Variants in PPP2R3B observed in about 807,000 individuals in gnomAD.
PPP2R3B encodes the protein serine/threonine-protein phosphatase 2A regulatory subunit B'' subunit beta.
Under a neutral mutation model 72.9 loss-of-function variants are expected in PPP2R3B, and 68 were observed. The observed-to-expected ratio is 0.93, with a 90% CI of 0.77 to 1.14. PPP2R3B has a LOEUF of 1.14. Among genes scored for constraint, PPP2R3B ranks in the 50% most tolerant of loss-of-function variants. The probability of loss-of-function intolerance (pLI) is 0.00; values close to 1 mark genes in which losing one functional copy is unlikely to be tolerated. For missense variants in PPP2R3B, 1,018 were observed against 842.0 expected (o/e 1.21, Z -2.59); for synonymous variants, 466 against 375.8 (o/e 1.24, Z -2.78).
Position 339,256 on chromosome X carries a change from G to A in PPP2R3B, c.1352-360C>T, listed in dbSNP as rs1482792662. On this transcript the variant is annotated intron_variant, in intron 10 of 12. Transcript: ENST00000390665. ...GGTGTCCCGGGGACACTGAGCAGCA[G>A]GAGGCGCCCCATGGCCGGGGGGGGC... Among the ~76,000 whole-genome samples the A allele has an allele frequency of 2.7e-5, 3 of 111,478 alleles. 1 individual carries two copies. Among genetic ancestry groups the A allele is most frequent in the Admixed American group, 2.6e-4 (3 of 11,464 alleles). 73.1% of individuals were successfully genotyped at this position (111,478 alleles called of 152,430 possible).
At chrX:347,163 ATGAGGCATGCGGTGTAGACGCGGGCCCT>A (rs2071237496) in intron 4 of PPP2R3B, 43 bp downstream of exon 4, 1 of 80,784 alleles carries the variant, frequency 1.2e-5, no homozygotes, top group Non-Finnish European at 2.1e-5. Context: ...CGGCCCTCCC[ATGAGGCATGCGGTGTAGACGCGGGCCCT>A]CCCGTGAAGG....
In PPP2R3B at chrX:361,609, G is replaced by A. The variant is rs770824629; in HGVS notation, c.325-19C>T. 8 of 1,612,780 alleles carry A rather than the reference G, an allele frequency of 5.0e-6. No individual in the cohort carries two copies. Among genetic ancestry groups the A allele is most frequent in the Non-Finnish European group, 6.8e-6 (8 of 1,179,014 alleles). On this transcript the variant is annotated intron_variant, in intron 1 of 12. Transcript: ENST00000390665. ...TCTGAACCTGAAGAGTCGACAGACA[G>A]CGCTCAGTTAGAACCTGGGAGCATC...
intron 1 of PPP2R3B, among the ~76,000 whole-genome samples, chrX:374,372 C>A (rs140025502): frequency 6.6e-6 from 1 of 152,226 alleles, no homozygotes; most frequent in South Asian, 2.1e-4. Flanking sequence ...GGCATCAAAG[C>A]GCGCCGGCAT....
chrX:338,318 G>C (rs1336238158), intron 12 of PPP2R3B: 3 of 569,932 alleles, frequency 5.3e-6, no homozygotes, highest in African/African-American at 3.8e-5. Flanking sequence ...ACACGACTCG[G>C]CCTCCCCGTG....
intron 2 of PPP2R3B, among the ~76,000 whole-genome samples, chrX:359,114 G>A (rs1220402413): frequency 6.6e-6 from 1 of 152,240 alleles, no homozygotes; most frequent in Non-Finnish European, 1.5e-5. Flanking sequence ...TGCAAAAGAG[G>A]TGTCTGACCC....
chrX:379,217 ATGCACCTGTGTGTATGCACCTATG>A (rs2072068378), intron 1 of PPP2R3B, among the ~76,000 whole-genome samples: 1 of 140,788 alleles, frequency 7.1e-6, no homozygotes, highest in East Asian at 2.1e-4. Context: ...GCACCTGTGT[ATGCACCTGTGTGTATGCACCTATG>A]TGTGTGTGTG....
chrX:369,455 A>C (rs961455752), intron 1 of PPP2R3B, among the ~76,000 whole-genome samples: 39 of 152,362 alleles, frequency 2.6e-4, no homozygotes, highest in Non-Finnish European at 5.0e-4. Context: ...CAGAAGTCAC[A>C]GATACATGTG....
intron 1 of PPP2R3B, among the ~76,000 whole-genome samples, chrX:379,942 GATGGAA>G (rs1383069975): frequency 6.6e-5 from 10 of 152,268 alleles, no homozygotes; most frequent in Non-Finnish European, 1.3e-4. Flanking sequence ...ACAGCAATGG[GATGGAA>G]ATAATAATAA....
At chrX:383,999 AGACT>A in intron 1 of PPP2R3B, among the ~76,000 whole-genome samples, 1 of 152,134 alleles carries the variant, frequency 6.6e-6, no homozygotes, top group East Asian at 1.9e-4. Flanking sequence ...CAACATCGTA[AGACT>A]GACAGAACAG....
At position 338,810 on chromosome X, in the gene PPP2R3B, G is replaced by C; in HGVS notation, c.1438C>G (p.His480Asp). The C allele has an allele frequency of 1.2e-6, 2 of 1,612,474 alleles. No homozygotes were observed. Among genetic ancestry groups the C allele is most frequent in the Non-Finnish European group, 1.7e-6 (2 of 1,179,700 alleles). The change falls in exon 11 of 13, where the codon CAC (histidine) becomes GAC (aspartate). Residue 480 changes from histidine (H) to aspartate (D), a missense_variant. Transcript: ENST00000390665. ...TFFNIEKYLD[H>D]EQKEQISLLR... ...AGGGAGATCTGCTCTTTCTGCTCGTGGTCGAGGTACTTCTCGATGTTGAAG... is the reference window on the plus strand; with the variant it reads ...AGGGAGATCTGCTCTTTCTGCTCGTCGTCGAGGTACTTCTCGATGTTGAAG...
intron 2 of PPP2R3B, chrX:347,910 C>A: frequency 1.8e-6 from 1 of 543,578 alleles, no homozygotes; most frequent in Non-Finnish European, 3.2e-6. Flanking sequence ...GCCGGGCACG[C>A]AGTATCCCCT....
At chrX:354,544 A>G (rs1439546919) in intron 2 of PPP2R3B, among the ~76,000 whole-genome samples, 1 of 152,218 alleles carries the variant, frequency 6.6e-6, no homozygotes, top group Non-Finnish European at 1.5e-5. Flanking sequence ...AGGCACTTTT[A>G]TAATTTTAAA....
chrX:367,911 T>C (rs2071757577), intron 1 of PPP2R3B, among the ~76,000 whole-genome samples: 1 of 152,140 alleles, frequency 6.6e-6, no homozygotes, highest in Non-Finnish European at 1.5e-5. Context: ...TGTATTAACA[T>C]CCATGAAGTG....
intron 2 of PPP2R3B, among the ~76,000 whole-genome samples, chrX:357,500 C>T (rs774271373): frequency 1.3e-5 from 2 of 152,174 alleles, no homozygotes; most frequent in South Asian, 2.1e-4. Flanking sequence ...AAGAGATATA[C>T]GTTAGTGTGT....
In PPP2R3B at chrX:374,706, C is replaced by T. The variant is rs760660167; in HGVS notation, c.324+11662G>A. Among the ~76,000 whole-genome samples, 13 of 152,284 alleles carry T rather than the reference C, an allele frequency of 8.5e-5. No individual in the cohort carries two copies. In the South Asian group the frequency reaches 2.1e-3, roughly 24 times the overall value. ...CGGGTCCCCGATCAGGAAGGTCCTG[C>T]GTGACCGCCTGCATCTGTTACAGTC... On this transcript the variant is annotated intron_variant, in intron 1 of 12. Coordinates refer to ENST00000390665, the MANE Select transcript of PPP2R3B (RefSeq NM_013239.5).
rs1483178118 is a variant in PPP2R3B, at chrX:340,841, G to A, written c.1275C>T (p.Asp425=). 2 of 1,611,834 alleles carry A rather than the reference G, an allele frequency of 1.2e-6. No individual in the cohort carries two copies. Among genetic ancestry groups the A allele is most frequent in the East Asian group, 2.2e-5 (1 of 44,838 alleles). ...YFYEEQCRRL[D]SMAIEALPFQ... ...AGGGCAGGGCCTCGATGGCCATGCT[G>A]TCCAGCCTTCGGCACTGCTCCTCGT... The change falls in exon 10 of 13, where the codon GAC becomes GAT. Residue 425 remains aspartate, a synonymous_variant. Coordinates refer to ENST00000390665, the MANE Select transcript of PPP2R3B (RefSeq NM_013239.5).
chrX:368,831 G>A (rs1288905961), intron 1 of PPP2R3B, among the ~76,000 whole-genome samples: 2 of 121,604 alleles, frequency 1.6e-5, no homozygotes, highest in African/African-American at 3.4e-5. Context: ...GGGGAAGGCC[G>A]GGACCACCCA....
intron 2 of PPP2R3B, among the ~76,000 whole-genome samples, chrX:349,827 G>A (rs1271441725): frequency 2.0e-5 from 3 of 152,144 alleles, no homozygotes; most frequent in Admixed American, 1.3e-4. Context: ...TGCAGGGCAC[G>A]GCTGGGTGAA....
rs759151589 is a variant in PPP2R3B, at chrX:339,090, C to T, written c.1352-194G>A. 3.9e-5 allele frequency among the ~76,000 whole-genome samples: 6 copies of T among 152,038 alleles called. No individual in the cohort carries two copies. In the South Asian group the frequency reaches 1.0e-3, roughly 26 times the overall value. On this transcript the variant is annotated intron_variant, in intron 10 of 12. Transcript: ENST00000390665. ...GGGTGGGGACTGAGGCGTGGGAGGC[C>T]GTGATGCGGAGGCGACTAGGGGCCA...
Sources: gnomAD v4.1 joint callset for allele counts (sites outside exome capture counted in the v4.1 genomes callset) on GRCh38, gnomAD v4.1.1 for gene constraint, MANE v1.5 for transcripts, NCBI Gene and HGNC (gene_info 2026-07-23, HGNC 2026-07-21) for gene names.